Variants in KCNT2 observed in about 807,000 individuals in gnomAD.
The protein encoded by KCNT2 is potassium channel subfamily T member 2.
In KCNT2, 67 loss-of-function variants were observed where a neutral mutation model predicts 153.8. The observed-to-expected ratio is 0.44, with a 90% CI of 0.36 to 0.53. The LOEUF (loss-of-function observed/expected upper bound fraction) is 0.53. Ranked by LOEUF, KCNT2 falls within the 20% of genes least tolerant of loss-of-function variation. The pLI, the probability that KCNT2 is intolerant of heterozygous loss-of-function variation, is 0.00. For missense variants in KCNT2, 975 were observed against 1,354.8 expected (o/e 0.72, Z 4.40); for synonymous variants, 500 against 458.8 (o/e 1.09, Z -1.15).
At chr1:196,511,483 T>C (rs1681626053) in intron 1 of KCNT2, among the ~76,000 whole-genome samples, 1 of 152,188 alleles carries the variant, frequency 6.6e-6, no homozygotes, top group Non-Finnish European at 1.5e-5. Flanking sequence ...TGTCTTGTCA[T>C]AGTTCGGAGC....
intron 14 of KCNT2, among the ~76,000 whole-genome samples, chr1:196,361,675 G>A (rs1667635181): frequency 6.6e-6 from 1 of 152,028 alleles, no homozygotes; most frequent in African/African-American, 2.4e-5. Context: ...GGTAGCTGGT[G>A]GTGTGGGGTA....
chr1:196,499,246 A>G (rs528092118), intron 1 of KCNT2, among the ~76,000 whole-genome samples: 1 of 152,322 alleles, frequency 6.6e-6, no homozygotes, highest in Non-Finnish European at 1.5e-5. Flanking sequence ...GGCCTCCATT[A>G]CTGTCAGTCA....
At chr1:196,280,737 CGTATTCAG>C (rs1659015279) in intron 25 of KCNT2, 115 bp downstream of exon 25, 2 of 915,392 alleles carry the variant, frequency 2.2e-6, no homozygotes, top group Non-Finnish European at 3.3e-6. Flanking sequence ...TTTAACACTA[CGTATTCAG>C]GTAGCATTCT....
At chr1:196,564,364 C>A (rs575299641) in intron 1 of KCNT2, among the ~76,000 whole-genome samples, 2 of 151,738 alleles carry the variant, frequency 1.3e-5, no homozygotes, top group African/African-American at 2.4e-5. Context: ...AACAAATAAA[C>A]AGAAAAATAT....
chr1:196,560,708 CT>C (rs1450102249), intron 1 of KCNT2, among the ~76,000 whole-genome samples: 7 of 151,780 alleles, frequency 4.6e-5, no homozygotes, highest in African/African-American at 1.7e-4. Context: ...TTCTTCCCCC[CT>C]CTGGATAAAA....
At chr1:196,290,563 G>A (rs1352301963) in intron 22 of KCNT2, among the ~76,000 whole-genome samples, 1 of 147,508 alleles carries the variant, frequency 6.8e-6, no homozygotes, top group African/African-American at 2.5e-5. Flanking sequence ...TATATGTATA[G>A]GTGTATATAT....
At chr1:196,356,905 G>A (rs1270904129) in intron 14 of KCNT2, among the ~76,000 whole-genome samples, 5 of 151,712 alleles carry the variant, frequency 3.3e-5, no homozygotes, top group African/African-American at 1.2e-4. Flanking sequence ...CACCATGTTG[G>A]CAGCCAAATA....
intron 26 of KCNT2, among the ~76,000 whole-genome samples, chr1:196,253,774 T>C (rs1656207355): frequency 6.6e-6 from 1 of 151,558 alleles, no homozygotes; most frequent in Non-Finnish European, 1.5e-5. Context: ...TTTTGTTGAC[T>C]ATTTATACTC....
chr1:196,421,421 G>A (rs1673190968), intron 12 of KCNT2, among the ~76,000 whole-genome samples: 1 of 151,928 alleles, frequency 6.6e-6, no homozygotes, highest in South Asian at 2.1e-4. Context: ...ACTCGAGGGG[G>A]CACAACACTC....
chr1:196,500,225 GGAGA>G (rs372666355), intron 1 of KCNT2, among the ~76,000 whole-genome samples: 12 of 103,414 alleles, frequency 1.2e-4, no homozygotes, highest in African/African-American at 4.6e-4. Flanking sequence ...AGAGAGAGAC[GGAGA>G]GAGAGAGAGA....
intron 3 of KCNT2, among the ~76,000 whole-genome samples, chr1:196,485,134 A>G (rs890052957): frequency 6.6e-6 from 1 of 152,076 alleles, no homozygotes; most frequent in African/African-American, 2.4e-5. Context: ...GAATGAGATC[A>G]GGTCCTTTTT....
At chr1:196,391,061 T>G (rs1371994718) in intron 13 of KCNT2, among the ~76,000 whole-genome samples, 1 of 151,146 alleles carries the variant, frequency 6.6e-6, no homozygotes, top group Non-Finnish European at 1.5e-5. Flanking sequence ...AGAGCATAAC[T>G]GGAATAATTG....
In KCNT2 at chr1:196,379,565, TTCTCTCTCTCTCTCTCTC is replaced by T. The variant is rs67709356; in HGVS notation, c.1295-6335_1295-6318del. On this transcript the variant is annotated intron_variant, in intron 13 of 27. Coordinates refer to ENST00000294725, the MANE Select transcript of KCNT2 (RefSeq NM_198503.5). Reference sequence around the variant, plus strand: ...CCAGCCTAGGTAATACAGTGAGACTTTCTCTCTCTCTCTCTCTCTCTCTCTCTCTCTCTCTCTCTCTCT... The same window carrying T: ...CCAGCCTAGGTAATACAGTGAGACTTTCTCTCTCTCTCTCTCTCTCTCTCT... 4.8e-3 allele frequency among the ~76,000 whole-genome samples: 659 copies of T among 136,248 alleles called. 4 individuals carry two copies. The highest frequency in any genetic ancestry group is 0.016 in the African/African-American group (602 of 36,584). The allele number at this position is 136,248 out of a possible 152,430, so 89.4% of individuals were successfully genotyped here.
intron 1 of KCNT2, among the ~76,000 whole-genome samples, chr1:196,561,711 T>G (rs1659441846): frequency 9.0e-6 from 1 of 111,018 alleles, no homozygotes; most frequent in Non-Finnish European, 1.9e-5. Context: ...ACAGAAATGC[T>G]CGTTACACAG....
At chr1:196,356,210 A>T (rs962535136) in intron 14 of KCNT2, among the ~76,000 whole-genome samples, 1 of 151,734 alleles carries the variant, frequency 6.6e-6, no homozygotes, top group Non-Finnish European at 1.5e-5. Flanking sequence ...AATAATCTTC[A>T]TTAGTAAAAT....
intron 26 of KCNT2, among the ~76,000 whole-genome samples, chr1:196,247,467 G>A (rs536767314): frequency 1.7e-3 from 261 of 152,216 alleles, no homozygotes; most frequent in Non-Finnish European, 2.8e-3. Flanking sequence ...GTATTAGTTG[G>A]TTCTCACACT....
At chr1:196,509,036 A>G (rs1681381985) in intron 1 of KCNT2, among the ~76,000 whole-genome samples, 1 of 152,132 alleles carries the variant, frequency 6.6e-6, no homozygotes, top group Non-Finnish European at 1.5e-5. Context: ...TAAGAGGTTG[A>G]GGCGGGCAGA....
chr1:196,306,138 C>A (rs1310348572), intron 21 of KCNT2, among the ~76,000 whole-genome samples: 1 of 151,988 alleles, frequency 6.6e-6, no homozygotes, highest in Non-Finnish European at 1.5e-5. Flanking sequence ...TGGTAGCTTT[C>A]CTTGTTAAAT....
At chr1:196,603,104 C>T (rs957890671) in intron 1 of KCNT2, among the ~76,000 whole-genome samples, 4 of 152,032 alleles carry the variant, frequency 2.6e-5, no homozygotes, top group Non-Finnish European at 5.9e-5. Flanking sequence ...ATTTTTTATA[C>T]CATTATCTGT....
Sources: allele counts gnomAD v4.1 joint callset (sites outside exome capture counted in the v4.1 genomes callset), GRCh38; gene constraint gnomAD v4.1.1; transcripts MANE v1.5; gene names NCBI Gene and HGNC (gene_info 2026-07-23, HGNC 2026-07-21).